INVS: variants seen among roughly 807,000 people sequenced by gnomAD.
The protein encoded by INVS is inversion of embryo turning homolog.
A neutral mutation model predicts 108.8 loss-of-function variants in INVS; 86 were observed. The observed-to-expected ratio is 0.79, with a 90% CI of 0.66 to 0.95. INVS has a LOEUF of 0.95. INVS is among the 40% of genes least tolerant of loss of function. The pLI is 0.00. For synonymous variants in INVS, 455 were observed against 473.5 expected (o/e 0.96, Z 0.51); for missense variants, 1,169 against 1,297.4 (o/e 0.90, Z 1.52).
Position 100,273,081 on chromosome 9 carries a change from G to T in INVS, c.1784+5G>T. On this transcript the variant is annotated splice_donor_5th_base_variant and intron_variant, in intron 12 of 16. Transcript: ENST00000262457. ...GAGAAAAGATGCTGCTGCCAAGTAA[G>T]TATGAGCTACGCAGATTGCGTTTTC... is the stretch of plus-strand genomic sequence containing the variant. 1 of 1,612,842 alleles carries T rather than the reference G, an allele frequency of 6.2e-7. No individual in the cohort carries two copies. The highest frequency in any genetic ancestry group is 8.5e-7 in the Non-Finnish European group (1 of 1,178,938).
At chr9:100,187,525 C>CTTTTTTGTTTTTTTTTTTTTTTT (rs1830088630) in intron 3 of INVS, among the ~76,000 whole-genome samples, 1 of 105,564 alleles carries the variant, frequency 9.5e-6, no homozygotes, top group African/African-American at 4.4e-5. Flanking sequence ...TCTATGATTT[C>CTTTTTTGTTTTTTTTTTTTTTTT]TTTTTTTTTT....
chr9:100,101,604 A>G (rs1826995388), intron 1 of INVS: 2 of 152,182 alleles, frequency 1.3e-5, no homozygotes, highest in Non-Finnish European at 2.9e-5. Context: ...TTAAGAAAGT[A>G]TTAATATGTT....
At chr9:100,277,072 C>T (rs926830655) in intron 12 of INVS, among the ~76,000 whole-genome samples, 9 of 152,170 alleles carry the variant, frequency 5.9e-5, no homozygotes, top group South Asian at 2.1e-4. Flanking sequence ...GTCCCTTCTA[C>T]GAGAGATTGT....
chr9:100,172,874 A>T (rs762885553), intron 3 of INVS, among the ~76,000 whole-genome samples: 1 of 152,210 alleles, frequency 6.6e-6, no homozygotes, highest in Non-Finnish European at 1.5e-5. Context: ...AATAGAGTGA[A>T]TTGGCTGCAT....
intron 3 of INVS, among the ~76,000 whole-genome samples, chr9:100,155,477 C>T (rs1828946805): frequency 6.6e-6 from 1 of 152,118 alleles, no homozygotes; most frequent in Non-Finnish European, 1.5e-5. Flanking sequence ...GCTGGGATTA[C>T]AGGCACGCAC....
intron 6 of INVS, among the ~76,000 whole-genome samples, chr9:100,241,991 G>A (rs1350745320): frequency 6.6e-6 from 1 of 152,116 alleles, no homozygotes; most frequent in Non-Finnish European, 1.5e-5. Flanking sequence ...CTTCATCGCT[G>A]CCTTATCATG....
At chr9:100,131,256 C>T (rs934411683) in intron 3 of INVS, among the ~76,000 whole-genome samples, 2 of 152,016 alleles carry the variant, frequency 1.3e-5, no homozygotes, top group Admixed American at 1.3e-4. Flanking sequence ...TTTTATTTTA[C>T]TTTTATAGAA....
chr9:100,150,499 AG>A (rs2118979551), intron 3 of INVS, among the ~76,000 whole-genome samples: 1 of 152,344 alleles, frequency 6.6e-6, no homozygotes, highest in Admixed American at 6.5e-5. Context: ...CTCTGGGCAC[AG>A]GGCCAGCAAA....
intron 3 of INVS, among the ~76,000 whole-genome samples, chr9:100,150,050 T>G (rs1485636008): frequency 2.6e-5 from 4 of 152,180 alleles, no homozygotes; most frequent in Admixed American, 2.0e-4. Context: ...CCTTGAGTAA[T>G]TCCCAGATCC....
rs72132931 is a variant in INVS at position 100,132,777 on chromosome 9, ATT to A, written c.273+6239_273+6240del. Among the ~76,000 whole-genome samples the A allele has an allele frequency of 3.6e-3, 550 of 150,818 alleles. 3 individuals carry two copies. Among genetic ancestry groups the A allele is most frequent in the African/African-American group, 0.012 (511 of 41,184 alleles). ...CTCTTTGCCTTTGCATATGCCTGGA[ATT>A]TTTTTTTTTTAATTATCTTAAGCAT... On this transcript the variant is annotated intron_variant, in intron 3 of 16. Coordinates refer to ENST00000262457, the MANE Select transcript of INVS (RefSeq NM_014425.5).
intron 3 of INVS, among the ~76,000 whole-genome samples, chr9:100,146,956 CT>C (rs35998450): frequency 0.25 from 38,727 of 152,060 alleles, 5,183 homozygotes; most frequent in South Asian, 0.35. Flanking sequence ...CCTTCATCAA[CT>C]TATGGTACTG....
In INVS at chr9:100,300,706, G is replaced by T. The variant is rs748916137; in HGVS notation, c.*32G>T. The T allele has an allele frequency of 2.1e-6, 3 of 1,438,578 alleles. No individual in the cohort carries two copies. Among genetic ancestry groups the T allele is most frequent in the Non-Finnish European group, 2.9e-6 (3 of 1,023,130 alleles). The allele number at this position is 1,438,578 out of a possible 1,614,324, so 89.1% of individuals were successfully genotyped here. A position where few individuals can be genotyped will look rare whatever the true frequency, so the allele number is the denominator to read the frequency against. Reference sequence around the variant, plus strand: ...ATGGAGGAAGACTGTGTTCGGGGGAGCTGGCATAGCTAGTGCAGAGTTCAG... The same window carrying T: ...ATGGAGGAAGACTGTGTTCGGGGGATCTGGCATAGCTAGTGCAGAGTTCAG... On this transcript the variant is annotated 3_prime_UTR_variant, in exon 17 of 17. Coordinates refer to ENST00000262457, the MANE Select transcript of INVS (RefSeq NM_014425.5).
intron 3 of INVS, among the ~76,000 whole-genome samples, chr9:100,212,958 T>C (rs1830876523): frequency 6.6e-6 from 1 of 152,138 alleles, no homozygotes; most frequent in African/African-American, 2.4e-5. Context: ...TTCTGGAGGC[T>C]GGAGAGTCCA....
chr9:100,174,804 C>T (rs1249523581), intron 3 of INVS, among the ~76,000 whole-genome samples: 3 of 151,844 alleles, frequency 2.0e-5, no homozygotes, highest in Admixed American at 6.6e-5. Flanking sequence ...CCCAGCTACT[C>T]GGGAGGCTGA....
chr9:100,174,332 G>T (rs1249381344), intron 3 of INVS, among the ~76,000 whole-genome samples: 1 of 151,934 alleles, frequency 6.6e-6, no homozygotes, highest in Non-Finnish European at 1.5e-5. Context: ...TCACTAGAAG[G>T]GCTTATCAGC....
chr9:100,276,435 C>A (rs573499122), intron 12 of INVS, among the ~76,000 whole-genome samples: 1 of 152,206 alleles, frequency 6.6e-6, no homozygotes, highest in East Asian at 1.9e-4. Context: ...AGTGCTGCTA[C>A]CATTGATTGT....
At chr9:100,126,678 T>C (rs1481058761) in intron 3 of INVS, 129 bp downstream of exon 3, 1 of 910,836 alleles carries the variant, frequency 1.1e-6, no homozygotes, top group East Asian at 2.6e-5. Context: ...ATATATTTTC[T>C]CTAAAAGCTG....
At chr9:100,223,197 G>T (rs1831204501) in intron 3 of INVS, among the ~76,000 whole-genome samples, 1 of 151,764 alleles carries the variant, frequency 6.6e-6, no homozygotes. Context: ...CTGGGTTCAA[G>T]GATTTTCATG....
chr9:100,179,128 C>T (rs190854723), intron 3 of INVS, among the ~76,000 whole-genome samples: 1 of 152,088 alleles, frequency 6.6e-6, no homozygotes, highest in African/African-American at 2.4e-5. Flanking sequence ...TACAAGAGTT[C>T]CTGAAGGAGG....
Sources: gnomAD v4.1 joint callset for allele counts (sites outside exome capture counted in the v4.1 genomes callset) on GRCh38, gnomAD v4.1.1 for gene constraint, MANE v1.5 for transcripts, NCBI Gene and HGNC (gene_info 2026-07-23, HGNC 2026-07-21) for gene names.